BOC: variants seen among roughly 807,000 people sequenced by gnomAD.
BOC encodes the protein BOC cell adhesion associated, oncogene regulated, also known as brother of CDO.
In BOC, 76 loss-of-function variants were observed where a neutral mutation model predicts 112.0. The ratio of observed to expected loss-of-function variants is 0.68; its 90% CI spans 0.56 to 0.82. The LOEUF (loss-of-function observed/expected upper bound fraction) is 0.82, where lower values mean the gene tolerates loss of function less well. Ranked by LOEUF, BOC falls within the 40% of genes least tolerant of loss-of-function variation. The pLI is 0.00. For synonymous variants in BOC, 580 were observed against 599.8 expected (o/e 0.97, Z 0.48); for missense variants, 1,309 against 1,511.7 (o/e 0.87, Z 2.22).
intron 17 of BOC, 99 bp downstream of exon 17, chr3:113,284,666 G>C: frequency 6.6e-7 from 1 of 1,523,030 alleles, no homozygotes; most frequent in Non-Finnish European, 9.1e-7. Flanking sequence ...TCTCAGGCTG[G>C]GCTGCTGGGC....
At chr3:113,227,175 A>G (rs1218593182) in intron 2 of BOC, among the ~76,000 whole-genome samples, 1 of 152,074 alleles carries the variant, frequency 6.6e-6, no homozygotes, top group Non-Finnish European at 1.5e-5. Flanking sequence ...ATTCTTGGAG[A>G]ATTTGTCTAT....
chr3:113,280,554 A>G lies in BOC; in HGVS notation c.2206-4A>G, dbSNP rs777652164. ...TCAACTTGTTTCTTCTCCATTCCCTATAGTACATCCCAGCAAGTAACAACA... is the reference window on the plus strand; with the variant it reads ...TCAACTTGTTTCTTCTCCATTCCCTGTAGTACATCCCAGCAAGTAACAACA... On this transcript the variant is annotated splice_region_variant and splice_polypyrimidine_tract_variant and intron_variant, in intron 13 of 19. Transcript: ENST00000682979. 2.5e-6 allele frequency: 4 copies of G among 1,588,452 alleles called. No homozygotes were observed. Among genetic ancestry groups the G allele is most frequent in the South Asian group, 2.2e-5 (2 of 90,566 alleles).
chr3:113,258,428 A>C (rs9820139), intron 4 of BOC, among the ~76,000 whole-genome samples: 8,957 of 152,190 alleles, frequency 0.059, 306 homozygotes, highest in Middle Eastern at 0.11. Flanking sequence ...CTCTTTGGGT[A>C]TGAACATTTT....
At chr3:113,271,087 G>C (rs1948065496) in intron 6 of BOC, 143 bp downstream of exon 6, 1 of 1,245,566 alleles carries the variant, frequency 8.0e-7, no homozygotes, top group African/African-American at 1.5e-5. Context: ...GGACAGCCAG[G>C]GGTTCTCAGC....
In BOC at chr3:113,273,264, A is replaced by C; in HGVS notation, c.1157A>C (p.Glu386Ala). 6.2e-7 allele frequency: 1 copy of C among 1,612,950 alleles called. No homozygotes were observed. The highest frequency in any genetic ancestry group is 8.5e-7 in the Non-Finnish European group (1 of 1,179,676). Residue 386 changes from glutamate (E) to alanine (A), a missense_variant, in exon 8 of 20, where the codon GAA becomes GCA. By Grantham distance (107) the Glu-to-Ala change is moderately radical. Transcript: ENST00000682979. ...LRVLSMGPED[E>A]GVYQCMAENE... ...GTGCTCAGCATGGGGCCTGAGGACG[A>C]AGGCGTCTACCAGTGCATGGCCGAG... is the stretch of plus-strand genomic sequence containing the variant.
At chr3:113,268,512 C>T (rs186589484) in intron 5 of BOC, 67 bp downstream of exon 5, 1,661 of 1,494,890 alleles carry the variant, frequency 1.1e-3, no homozygotes, top group Non-Finnish European at 1.4e-3. Context: ...TCCAACCGCT[C>T]GCTGCTCAAC....
Position 113,278,719 on chromosome 3 carries a change from C to G in BOC, c.1752C>G (p.Ile584Met). ...TCATGGCCAGCAAAGAGCAGCAGAT[C>G]CAGAGAGACGACCCTGGAGCCAGTC... ...PEIMASKEQQIQRDDPGASPQ... is the reference protein window; with the variant it reads ...PEIMASKEQQMQRDDPGASPQ... Residue 584 changes from isoleucine to methionine, a missense_variant, in exon 11 of 20, where the codon ATC becomes ATG. Coordinates refer to ENST00000682979, the MANE Select transcript of BOC (RefSeq NM_001378074.1). This position sits in a 1 kb window ranked among gnomAD's most constrained non-coding sequence, Gnocchi z 4.2. The G allele has an allele frequency of 6.4e-7, 1 of 1,570,120 alleles. No individual in the cohort carries two copies. The highest frequency in any genetic ancestry group is 8.6e-7 in the Non-Finnish European group (1 of 1,157,434).
chr3:113,251,228 C>G (rs1559842645), intron 4 of BOC: 1 of 405,330 alleles, frequency 2.5e-6, no homozygotes, highest in East Asian at 4.3e-5. Flanking sequence ...TCCATTCTCA[C>G]CACAGTTACA....
At chr3:113,212,106 A>G (rs1178035558) in intron 1 of BOC, 90 bp downstream of exon 1, 1 of 151,494 alleles carries the variant, frequency 6.6e-6, no homozygotes, top group Non-Finnish European at 1.5e-5. Context: ...AGGCGGCCGC[A>G]GGCCGAGGCA....
intron 2 of BOC, among the ~76,000 whole-genome samples, chr3:113,230,912 C>T (rs943010534): frequency 6.6e-6 from 1 of 152,146 alleles, no homozygotes; most frequent in East Asian, 1.9e-4. Flanking sequence ...AATTTCAGAT[C>T]TGTAAAGTTT....
chr3:113,249,619 T>C (rs1945358809), intron 2 of BOC, 103 bp from the exon 3 acceptor site: 2 of 525,516 alleles, frequency 3.8e-6, no homozygotes, highest in Non-Finnish European at 6.6e-6. Context: ...GTTTGAATGT[T>C]GCCAACAGGG....
chr3:113,285,349 C>G, intron 18 of BOC, 23 bp from the exon 19 acceptor site: 1 of 1,610,884 alleles, frequency 6.2e-7, no homozygotes, highest in Non-Finnish European at 8.5e-7. Context: ...CCCCACCTCC[C>G]CATCTGGGCT....
At chr3:113,283,836 C>T (rs1949419066) in intron 16 of BOC, among the ~76,000 whole-genome samples, 1 of 151,852 alleles carries the variant, frequency 6.6e-6, no homozygotes, top group Admixed American at 6.6e-5. Context: ...GAAAGTTGGG[C>T]TGTCTTCTCT....
At chr3:113,216,878 C>T (rs1939490036) in intron 2 of BOC, among the ~76,000 whole-genome samples, 1 of 151,864 alleles carries the variant, frequency 6.6e-6, no homozygotes, top group African/African-American at 2.4e-5. Context: ...AGTCTCAACC[C>T]GTTCTGCTGG....
At chr3:113,277,146 G>A (rs937256819) in intron 9 of BOC, among the ~76,000 whole-genome samples, 15 of 152,278 alleles carry the variant, frequency 9.9e-5, no homozygotes, top group Admixed American at 2.0e-4. Context: ...AGGCAGGAGC[G>A]GAAACAAAGA....
intron 1 of BOC, 76 bp from the exon 2 acceptor site, chr3:113,216,111 A>G (rs970637098): frequency 3.6e-5 from 14 of 392,720 alleles, no homozygotes; most frequent in African/African-American, 1.0e-4. Flanking sequence ...GTTTATATCA[A>G]TGCACCTTGT....
intron 4 of BOC, among the ~76,000 whole-genome samples, chr3:113,261,112 C>G (rs1237207539): frequency 1.3e-5 from 2 of 152,160 alleles, no homozygotes; most frequent in African/African-American, 4.8e-5. Flanking sequence ...ACTGCCCCGT[C>G]TCTCCCACCT....
rs1179055026 is a variant in BOC at position 113,286,897 on chromosome 3, T to G, written c.*35T>G. 7.4e-7 allele frequency: 1 copy of G among 1,345,334 alleles called. No individual in the cohort carries two copies. The highest frequency in any genetic ancestry group is 1.5e-5 in the South Asian group (1 of 67,692). 83.3% of individuals were successfully genotyped at this position (1,345,334 alleles called of 1,614,324 possible). ...GATATCCCAGAAAGACTATATATTG[T>G]TTTTTTTTTAAAAAAAAAAAGAAGA... is the stretch of plus-strand genomic sequence containing the variant. On this transcript the variant is annotated 3_prime_UTR_variant, in exon 20 of 20. Transcript: ENST00000682979.
rs1406217816 is a variant in BOC, at chr3:113,278,832, C to T, written c.1816+49C>T. 1.3e-6 allele frequency: 2 copies of T among 1,487,710 alleles called. No homozygotes were observed. The highest frequency in any genetic ancestry group is 2.5e-5 in the East Asian group (1 of 40,530). 92.2% of individuals were successfully genotyped at this position (1,487,710 alleles called of 1,614,324 possible). On this transcript the variant is annotated intron_variant, in intron 11 of 19. Coordinates refer to ENST00000682979, the MANE Select transcript of BOC (RefSeq NM_001378074.1). The surrounding 1 kb of genome is among the most constrained non-coding windows in gnomAD (Gnocchi z 4.2). ...GACGCGCAGTCAGGACTGGAACTGCCTCAGAGGCCTGTTCCCATGGCTGAA... is the reference window on the plus strand; with the variant it reads ...GACGCGCAGTCAGGACTGGAACTGCTTCAGAGGCCTGTTCCCATGGCTGAA...
Sources: allele counts gnomAD v4.1 joint callset (sites outside exome capture counted in the v4.1 genomes callset), GRCh38; gene constraint gnomAD v4.1.1; non-coding constraint Gnocchi (gnomAD v3.1); transcripts MANE v1.5; gene names NCBI Gene and HGNC (gene_info 2026-07-23, HGNC 2026-07-21).